The following SOCS6 variants were observed in gnomAD, a reference collection of about 807,000 sequenced individuals.
SOCS6 encodes the protein suppressor of cytokine signaling 6.
Under a neutral mutation model 27.7 loss-of-function variants are expected in SOCS6, and 5 were observed. That is an observed-to-expected ratio of 0.18 (90% CI 0.09 to 0.38). SOCS6 has a LOEUF of 0.38. SOCS6 is among the 10% of genes least tolerant of loss of function. SOCS6 has a pLI of 1.00. For missense variants in SOCS6, 595 were observed against 688.1 expected (o/e 0.86, Z 1.51); for synonymous variants, 271 against 260.0 (o/e 1.04, Z -0.41).
intron 1 of SOCS6, among the ~76,000 whole-genome samples, chr18:70,303,769 T>TGACA (rs2062358059): frequency 1.3e-5 from 2 of 152,166 alleles, no homozygotes; most frequent in African/African-American, 4.8e-5. Context: ...CCAGCCTGGG[T>TGACA]GACAGACTGA....
rs147710945 is a variant in SOCS6 at position 70,307,671 on chromosome 18, C to T, written c.-126-16872C>T. ...TATTCCCATATAGTCCTTTAAATTT[C>T]CATAGGCTTGATAGTGATAGCCTTT... On this transcript the variant is annotated intron_variant, in intron 1 of 1. Transcript: ENST00000397942. 3.1e-3 allele frequency among the ~76,000 whole-genome samples: 478 copies of T among 152,234 alleles called. 1 individual carries two copies. Among genetic ancestry groups the T allele is most frequent in the African/African-American group, 0.011 (451 of 41,538 alleles).
chr18:70,307,139 T>G (rs1351910060), intron 1 of SOCS6, among the ~76,000 whole-genome samples: 1 of 152,162 alleles, frequency 6.6e-6, no homozygotes, highest in Non-Finnish European at 1.5e-5. Flanking sequence ...GGTGCGTGCC[T>G]GTAGTCCCAG....
chr18:70,291,867 A>G (rs2062301011), intron 1 of SOCS6, among the ~76,000 whole-genome samples: 1 of 152,242 alleles, frequency 6.6e-6, no homozygotes, highest in Admixed American at 6.5e-5. Context: ...AAACTTTCTT[A>G]TATGGCTAGA....
chr18:70,316,410 C>T (rs575442931), intron 1 of SOCS6, among the ~76,000 whole-genome samples: 2 of 152,148 alleles, frequency 1.3e-5, no homozygotes, highest in Admixed American at 1.3e-4. Flanking sequence ...GTACAGAATC[C>T]CATATGTCTA....
chr18:70,300,456 CAAA>C (rs1482302599), intron 1 of SOCS6, among the ~76,000 whole-genome samples: 1 of 152,028 alleles, frequency 6.6e-6, no homozygotes, highest in Admixed American at 6.5e-5. Flanking sequence ...TAAGCCAACA[CAAA>C]AAGCATTTTT....
chr18:70,314,808 A>C (rs536596719), intron 1 of SOCS6, among the ~76,000 whole-genome samples: 1 of 151,866 alleles, frequency 6.6e-6, no homozygotes, highest in African/African-American at 2.4e-5. Flanking sequence ...TAATAATACA[A>C]TTGATGTCCT....
Position 70,326,353 on chromosome 18 carries a change from C to T in SOCS6, c.*77C>T. On this transcript the variant is annotated 3_prime_UTR_variant, in exon 2 of 2. Coordinates refer to ENST00000397942, the MANE Select transcript of SOCS6 (RefSeq NM_004232.4). ...AATACAGTTTACAAACTTTCATTGC[C>T]ATCAAAATCTTTTGCTGCCATAACT... 4.8e-6 allele frequency: 6 copies of T among 1,251,734 alleles called. No individual in the cohort carries two copies. The highest frequency in any genetic ancestry group is 6.7e-6 in the Non-Finnish European group (6 of 894,504). 77.5% of individuals were successfully genotyped at this position (1,251,734 alleles called of 1,614,324 possible).
chr18:70,325,865 A>G lies in SOCS6; in HGVS notation c.1197A>G (p.Ala399=), dbSNP rs1261560458. Residue 399 remains alanine (A), a synonymous_variant, in exon 2 of 2, where the codon GCA becomes GCG. Coordinates refer to ENST00000397942, the MANE Select transcript of SOCS6 (RefSeq NM_004232.4). This position sits in a 1 kb window ranked among gnomAD's most constrained non-coding sequence, Gnocchi z 6.3. ...GTTGGGAGGCAGAAGGGAAGCTAGC[A>G]AACGTGCCAGATGGTTCTTTTCTTG... ...ITRWEAEGKL[A]NVPDGSFLVR... The G allele has an allele frequency of 3.7e-6, 6 of 1,614,110 alleles. No individual in the cohort carries two copies. Among genetic ancestry groups the G allele is most frequent in the Non-Finnish European group, 5.1e-6 (6 of 1,180,024 alleles).
chr18:70,325,335 T>A lies in SOCS6; in HGVS notation c.667T>A (p.Tyr223Asn), dbSNP rs1911159454. The change falls in exon 2 of 2, where the codon TAT (tyrosine) becomes AAT (asparagine). Residue 223 changes from tyrosine to asparagine, a missense_variant. Around this residue, in one of 2 missense-constraint regions of SOCS6, gnomAD observed 467 missense variants for 481.1 expected, o/e 0.97. Transcript: ENST00000397942. The surrounding 1 kb of genome is among the most constrained non-coding windows in gnomAD (Gnocchi z 6.3). ...IGLMPQDYIQ[Y>N]TVPLDEGMYP... is the part of the protein sequence containing the mutation. ...ACTTATGCCTCAGGACTACATTCAG[T>A]ATACTGTGCCTTTAGATGAGGGGAT... The A allele has an allele frequency of 1.2e-6, 2 of 1,614,028 alleles. No individual in the cohort carries two copies. The highest frequency in any genetic ancestry group is 1.7e-6 in the Non-Finnish European group (2 of 1,179,990).
intron 1 of SOCS6, among the ~76,000 whole-genome samples, chr18:70,319,939 G>A (rs72967528): frequency 1.3e-5 from 2 of 151,808 alleles, no homozygotes; most frequent in South Asian, 4.2e-4. Flanking sequence ...ATCAACATGA[G>A]TCTGTCACTT....
chr18:70,313,635 C>T (rs1489717097), intron 1 of SOCS6, among the ~76,000 whole-genome samples: 3 of 152,170 alleles, frequency 2.0e-5, no homozygotes, highest in Non-Finnish European at 4.4e-5. Flanking sequence ...TGATAGTTCA[C>T]CTATCCCTGG....
intron 1 of SOCS6, among the ~76,000 whole-genome samples, chr18:70,300,973 G>A (rs2062345877): frequency 6.6e-6 from 1 of 152,202 alleles, no homozygotes; most frequent in Non-Finnish European, 1.5e-5. Flanking sequence ...AGAAGTCAAA[G>A]CAACTGTATT....
intron 1 of SOCS6, among the ~76,000 whole-genome samples, chr18:70,312,814 C>T (rs556500467): frequency 1.6e-5 from 2 of 125,730 alleles, no homozygotes; most frequent in South Asian, 5.2e-4. Flanking sequence ...TCCTCTGTTG[C>T]CCAGGCTGGA....
At chr18:70,323,064 G>A (rs545539326) in intron 1 of SOCS6, among the ~76,000 whole-genome samples, 15 of 152,292 alleles carry the variant, frequency 9.8e-5, no homozygotes, top group Middle Eastern at 6.8e-3. Flanking sequence ...AGCAGAGGCC[G>A]AGTAGGGGCT....
At chr18:70,324,302 A>AAATAATAATAATAATAATAATAATAAT (rs560395562) in intron 1 of SOCS6, among the ~76,000 whole-genome samples, 2,478 of 150,232 alleles carry the variant, frequency 0.016, 76 homozygotes, top group African/African-American at 0.057. Context: ...ACTCATCTCA[A>AAATAATAATAATAATAATAATAATAAT]AATAATAATA....
At chr18:70,289,764 G>C (rs1010928508) in intron 1 of SOCS6, among the ~76,000 whole-genome samples, 1 of 152,088 alleles carries the variant, frequency 6.6e-6, no homozygotes, top group Admixed American at 6.5e-5. Flanking sequence ...GGCCGGCTGC[G>C]CACTCACCCG....
intron 1 of SOCS6, among the ~76,000 whole-genome samples, chr18:70,320,525 C>T (rs1394002345): frequency 1.3e-5 from 2 of 152,124 alleles, no homozygotes; most frequent in Non-Finnish European, 2.9e-5. Flanking sequence ...AGTCGATAGT[C>T]ATCTGAAGAC....
At chr18:70,322,761 T>G (rs1911037283) in intron 1 of SOCS6, among the ~76,000 whole-genome samples, 1 of 152,234 alleles carries the variant, frequency 6.6e-6, no homozygotes, top group Non-Finnish European at 1.5e-5. Context: ...TAAAAATTGC[T>G]TCTTCCTTTT....
chr18:70,291,151 G>A (rs1023878775), intron 1 of SOCS6, among the ~76,000 whole-genome samples: 13 of 152,174 alleles, frequency 8.5e-5, no homozygotes, highest in African/African-American at 3.1e-4. Flanking sequence ...CTGTCACCCA[G>A]GGTGGAGTGC....
Sources: gnomAD v4.1 joint callset for allele counts (sites outside exome capture counted in the v4.1 genomes callset) on GRCh38, gnomAD v4.1.1 for gene constraint, gnomAD v4.1.1 regional missense constraint, Gnocchi (gnomAD v3.1) non-coding constraint, MANE v1.5 for transcripts, NCBI Gene and HGNC (gene_info 2026-07-23, HGNC 2026-07-21) for gene names.